NR3C1: variants seen among roughly 807,000 people sequenced by gnomAD.
NR3C1 encodes nuclear receptor subfamily 3 group C member 1, also known as glucocorticoid receptor.
In NR3C1, 14 loss-of-function variants were observed where a neutral mutation model predicts 74.0. That is an observed-to-expected ratio of 0.19 (90% CI 0.12 to 0.30). The LOEUF (loss-of-function observed/expected upper bound fraction) is 0.30, where lower values mean the gene tolerates loss of function less well. Ranked by LOEUF, NR3C1 falls within the 10% of genes least tolerant of loss-of-function variation. The probability of loss-of-function intolerance (pLI) is 1.00; values close to 1 mark genes in which losing one functional copy is unlikely to be tolerated. For synonymous variants in NR3C1, 308 were observed against 332.5 expected, an observed-to-expected ratio of 0.93 and a Z score of 0.80; for missense variants, 695 against 909.8, an observed-to-expected ratio of 0.76 and a Z score of 3.04.
rs1295587651 is a variant in NR3C1, at chr5:143,300,963, C to T, written c.1469-200G>A. Among the ~76,000 whole-genome samples the T allele has an allele frequency of 6.6e-6, 1 of 151,742 alleles. No individual in the cohort carries two copies. Among genetic ancestry groups the T allele is most frequent in the Non-Finnish European group, 1.5e-5 (1 of 67,898 alleles). On this transcript the variant is annotated intron_variant, in intron 4 of 8. Coordinates refer to ENST00000394464, the MANE Select transcript of NR3C1 (RefSeq NM_000176.3). The surrounding 1 kb of genome is among the most constrained non-coding windows in gnomAD (Gnocchi z 5.2). ...AGCAAAAGATCCAGAGGAACCTATT[C>T]CCAATTAATTTTGCCTACAAATAGG...
rs528183156 is a variant in NR3C1, at chr5:143,422,017, C to T, written c.-14+12515G>A. Among the ~76,000 whole-genome samples the T allele has an allele frequency of 2.6e-5, 4 of 152,252 alleles. 1 individual carries two copies. In the East Asian group the frequency reaches 7.7e-4, roughly 29 times the overall value. On this transcript the variant is annotated intron_variant, in intron 1 of 8. Coordinates refer to the NR3C1 transcript ENST00000343796. ...GCTGAAGTGGTGTTCACTGCTTCAT[C>T]AGGTCTGCCTCTTTTTTAGCCTAGC...
upstream of NR3C1, among the ~76,000 whole-genome samples, chr5:143,408,460 C>T (rs1159601600): frequency 6.6e-6 from 1 of 151,718 alleles, no homozygotes; most frequent in Non-Finnish European, 1.5e-5. Flanking sequence ...CAAAGTAGAA[C>T]AAGAAATTAA....
chr5:143,427,141 A>T (rs1169967035), intron 1 of NR3C1, among the ~76,000 whole-genome samples: 2 of 152,230 alleles, frequency 1.3e-5, no homozygotes, highest in Admixed American at 6.5e-5. Context: ...CCCAGTCTGC[A>T]CTATAAGTAA....
chr5:143,426,081 A>C (rs1751512887), intron 1 of NR3C1, among the ~76,000 whole-genome samples: 1 of 152,212 alleles, frequency 6.6e-6, no homozygotes. Flanking sequence ...AACATGGAGA[A>C]ACCTTTAATA....
At chr5:143,282,157 G>T in intron 8 of NR3C1, 116 bp from the exon 9 acceptor site, 1 of 1,040,614 alleles carries the variant, frequency 9.6e-7, no homozygotes, top group Non-Finnish European at 1.5e-6. Context: ...CAATCTCACT[G>T]GAATTCCCCA....
At chr5:143,338,980 T>C (rs1373184746) in intron 2 of NR3C1, among the ~76,000 whole-genome samples, 2 of 152,200 alleles carry the variant, frequency 1.3e-5, no homozygotes, top group African/African-American at 2.4e-5. Flanking sequence ...ACATAAATAC[T>C]TACCGATGTA....
intron 2 of NR3C1, among the ~76,000 whole-genome samples, chr5:143,362,201 C>T (rs1382074483): frequency 6.6e-6 from 1 of 152,120 alleles, no homozygotes; most frequent in Non-Finnish European, 1.5e-5. Context: ...AACCCTCTTC[C>T]CCAGCTTATT....
intron 2 of NR3C1, among the ~76,000 whole-genome samples, chr5:143,356,414 A>C (rs1831150745): frequency 6.6e-6 from 1 of 152,226 alleles, no homozygotes; most frequent in South Asian, 2.1e-4. Context: ...CTGATTATCA[A>C]GAGAAAAATG....
chr5:143,297,966 G>C, intron 6 of NR3C1, among the ~76,000 whole-genome samples: 1 of 152,158 alleles, frequency 6.6e-6, no homozygotes, highest in East Asian at 1.9e-4. Context: ...CTGTGTACTG[G>C]GGAGATATGT....
At chr5:143,353,157 C>T (rs191243340) in intron 2 of NR3C1, among the ~76,000 whole-genome samples, 1 of 152,260 alleles carries the variant, frequency 6.6e-6, no homozygotes, top group East Asian at 1.9e-4. Flanking sequence ...ACTCCTCATC[C>T]ATTCACGTTT....
intron 2 of NR3C1, among the ~76,000 whole-genome samples, chr5:143,381,861 T>A (rs1836309226): frequency 6.6e-6 from 1 of 152,146 alleles, no homozygotes; most frequent in Non-Finnish European, 1.5e-5. Flanking sequence ...AGGACACTGG[T>A]ATGGGCAAAG....
chr5:143,303,711 T>C (rs1818976815), intron 4 of NR3C1, among the ~76,000 whole-genome samples: 1 of 152,012 alleles, frequency 6.6e-6, no homozygotes, highest in African/African-American at 2.4e-5. Flanking sequence ...TGAATCCAGC[T>C]GCACATCAAA....
intron 1 of NR3C1, chr5:143,401,441 A>G (rs1445069445): frequency 6.3e-6 from 1 of 158,342 alleles, no homozygotes; most frequent in Non-Finnish European, 1.4e-5. Context: ...AAAATAAACA[A>G]TGCTGATCTG....
chr5:143,417,901 G>A (rs1600673651), intron 1 of NR3C1, among the ~76,000 whole-genome samples: 1 of 152,104 alleles, frequency 6.6e-6, no homozygotes, highest in South Asian at 2.1e-4. Context: ...TATCACTGTG[G>A]GATTTGATCC....
chr5:143,377,008 G>A (rs1469090164), intron 2 of NR3C1, among the ~76,000 whole-genome samples: 1 of 152,140 alleles, frequency 6.6e-6, no homozygotes, highest in Non-Finnish European at 1.5e-5. Context: ...TGTGATCTCG[G>A]TTACACTGGG....
In NR3C1 at chr5:143,281,656, C is replaced by T. The variant is rs1274991847; in HGVS notation, c.*233G>A. ...GTTTCTAATTTCTGGGATATATTAACTAATAAATTTCACCATCTACTCTCC... is the reference window on the plus strand; with the variant it reads ...GTTTCTAATTTCTGGGATATATTAATTAATAAATTTCACCATCTACTCTCC... On this transcript the variant is annotated 3_prime_UTR_variant, in exon 9 of 9. Coordinates refer to ENST00000394464, the MANE Select transcript of NR3C1 (RefSeq NM_000176.3). 2.3e-5 allele frequency: 11 copies of T among 483,132 alleles called. No homozygotes were observed. The South Asian group carries it at 2.4e-4, about 11-fold the overall frequency. 29.9% of individuals were successfully genotyped at this position (483,132 alleles called of 1,614,324 possible). A position where few individuals can be genotyped will look rare whatever the true frequency, so the allele number is the denominator to read the frequency against.
chr5:143,388,040 C>T (rs1388351313), intron 2 of NR3C1, among the ~76,000 whole-genome samples: 1 of 152,192 alleles, frequency 6.6e-6, no homozygotes, highest in African/African-American at 2.4e-5. Context: ...TGACAATTTA[C>T]TATGTTACTG....
At chr5:143,383,767 TGTTA>T (rs879701820) in intron 2 of NR3C1, among the ~76,000 whole-genome samples, 5 of 152,220 alleles carry the variant, frequency 3.3e-5, no homozygotes, top group Non-Finnish European at 4.4e-5. Context: ...GCAAGGAATT[TGTTA>T]GTAATAATGA....
intron 6 of NR3C1, among the ~76,000 whole-genome samples, chr5:143,296,785 A>G (rs149177937): frequency 4.6e-5 from 7 of 152,126 alleles, no homozygotes; most frequent in Admixed American, 4.6e-4. Context: ...GCTAAGAAAA[A>G]AGGGTGGAGG....
Sources: allele counts gnomAD v4.1 joint callset (sites outside exome capture counted in the v4.1 genomes callset), GRCh38; gene constraint gnomAD v4.1.1; non-coding constraint Gnocchi (gnomAD v3.1); transcripts MANE v1.5; gene names NCBI Gene and HGNC (gene_info 2026-07-23, HGNC 2026-07-21).